FAM114A2: variants seen among roughly 807,000 people sequenced by gnomAD.
FAM114A2 encodes protein FAM114A2.
A neutral mutation model predicts 58.4 loss-of-function variants in FAM114A2; 53 were observed. The observed-to-expected ratio is 0.91, with a 90% CI of 0.73 to 1.14. The LOEUF is 1.14. Ranked by LOEUF, FAM114A2 falls within the 50% of genes most tolerant of loss-of-function variation. The probability of loss-of-function intolerance (pLI) is 0.00; values close to 1 mark genes in which losing one functional copy is unlikely to be tolerated. For missense variants in FAM114A2, 601 were observed against 581.1 expected (o/e 1.03, Z -0.35); for synonymous variants, 228 against 211.4 (o/e 1.08, Z -0.68).
intron 1 of FAM114A2, among the ~76,000 whole-genome samples, chr5:154,035,590 G>A (rs1037185024): frequency 3.9e-5 from 6 of 152,004 alleles, no homozygotes; most frequent in African/African-American, 9.7e-5. Flanking sequence ...TTTATCCATC[G>A]AAGGATATCT....
At chr5:154,025,078 A>T (rs1581820636) in intron 8 of FAM114A2, among the ~76,000 whole-genome samples, 1 of 152,258 alleles carries the variant, frequency 6.6e-6, no homozygotes, top group East Asian at 1.9e-4. Flanking sequence ...AGTCTCTGTG[A>T]CTGTTATCCT....
Position 153,992,961 on chromosome 5 carries a change from A to T in FAM114A2, c.*15T>A, listed in dbSNP as rs1328774528. Reference sequence around the variant, plus strand: ...CTTGGCCGTCACAAGTCCCAGGTCAAAACGTCTCCATTCTTCAATGTTCTA... The same window carrying T: ...CTTGGCCGTCACAAGTCCCAGGTCATAACGTCTCCATTCTTCAATGTTCTA... On this transcript the variant is annotated 3_prime_UTR_variant, in exon 14 of 14. Transcript: ENST00000351797. 1 of 1,607,372 alleles carries T rather than the reference A, an allele frequency of 6.2e-7. No homozygotes were observed. Among genetic ancestry groups the T allele is most frequent in the Non-Finnish European group, 8.5e-7 (1 of 1,176,130 alleles).
At chr5:154,035,059 C>A in intron 1 of FAM114A2, 92 bp from the exon 2 acceptor site, 2 of 722,006 alleles carry the variant, frequency 2.8e-6, no homozygotes, top group Non-Finnish European at 2.3e-6. Flanking sequence ...ATCATAGATT[C>A]ACATACAAGT....
rs757360037 is a variant in FAM114A2, at chr5:153,994,958, T to G, written c.1344A>C (p.Ala448=). The part of the protein sequence containing the change: ...CLTTAGVKEM[A]DVLNPLITAV... ...CAGTGATTAATGGGTTAAGGACATC[T>G]GCCATTTCTTTGACCTGGAATAACG... Residue 448 remains alanine, a synonymous_variant, in exon 13 of 14, where the codon GCA becomes GCC. Coordinates refer to ENST00000351797, the MANE Select transcript of FAM114A2 (RefSeq NM_018691.4). 2 of 1,609,386 alleles carry G rather than the reference T, an allele frequency of 1.2e-6. No homozygotes were observed. The highest frequency in any genetic ancestry group is 1.7e-5 in the Admixed American group (1 of 59,992).
chr5:153,999,796 T>C (rs1561541918), intron 11 of FAM114A2, among the ~76,000 whole-genome samples: 1 of 151,930 alleles, frequency 6.6e-6, no homozygotes, highest in Non-Finnish European at 1.5e-5. Context: ...CAAAGGAAAA[T>C]AAATAAATAA....
chr5:154,025,581 C>G (rs997622174), intron 8 of FAM114A2, among the ~76,000 whole-genome samples: 3 of 152,158 alleles, frequency 2.0e-5, no homozygotes, highest in Non-Finnish European at 4.4e-5. Context: ...TAACCTACTA[C>G]ATGGGTGATT....
intron 11 of FAM114A2, among the ~76,000 whole-genome samples, chr5:153,999,467 C>T (rs1463186728): frequency 6.6e-6 from 1 of 151,922 alleles, no homozygotes; most frequent in Non-Finnish European, 1.5e-5. Flanking sequence ...GAAACCCTGT[C>T]TCTACTAAAA....
chr5:154,000,434 T>C (rs1460794678), intron 11 of FAM114A2, among the ~76,000 whole-genome samples: 5 of 150,406 alleles, frequency 3.3e-5, no homozygotes. Context: ...CATTATACAT[T>C]CTATGCATAT....
intron 8 of FAM114A2, among the ~76,000 whole-genome samples, chr5:154,022,421 A>C (rs1249478028): frequency 6.6e-6 from 1 of 152,214 alleles, no homozygotes; most frequent in Non-Finnish European, 1.5e-5. Context: ...TTTACAAAGA[A>C]CTTAAACAAA....
In FAM114A2 at chr5:154,020,377, G is replaced by T. The variant is rs948102273; in HGVS notation, c.913+6022C>A. On this transcript the variant is annotated intron_variant, in intron 8 of 13. Transcript: ENST00000351797. ...AATCCAGGAGCTGATTTTTTGCAAA[G>T]ATCAACAAAATTGATACACCATTAG... Among the ~76,000 whole-genome samples, 11 of 152,204 alleles carry T rather than the reference G, an allele frequency of 7.2e-5. No individual in the cohort carries two copies. In the East Asian group the frequency reaches 1.9e-3, roughly 27 times the overall value.
At chr5:154,002,488 A>G in intron 10 of FAM114A2, 98 bp from the exon 11 acceptor site, 6 of 1,270,804 alleles carry the variant, frequency 4.7e-6, no homozygotes, top group Non-Finnish European at 6.7e-6. Context: ...AGCAGAGACT[A>G]ATAGTTGCCT....
chr5:154,020,984 G>A (rs573650597), intron 8 of FAM114A2, among the ~76,000 whole-genome samples: 24 of 152,154 alleles, frequency 1.6e-4, no homozygotes, highest in African/African-American at 5.1e-4. Flanking sequence ...ATGCAAAGCT[G>A]GTTCAACATA....
At chr5:154,026,908 A>G (rs1771819894) in intron 7 of FAM114A2, among the ~76,000 whole-genome samples, 1 of 151,598 alleles carries the variant, frequency 6.6e-6, no homozygotes, top group African/African-American at 2.4e-5. Flanking sequence ...GACCAAAACG[A>G]AGGAAAAATA....
At chr5:154,003,898 A>G (rs1770177558) in intron 9 of FAM114A2, among the ~76,000 whole-genome samples, 1 of 152,236 alleles carries the variant, frequency 6.6e-6, no homozygotes, top group Admixed American at 6.5e-5. Context: ...GTTTGGGTCA[A>G]CAGCAGACCA....
intron 9 of FAM114A2, 85 bp downstream of exon 9, chr5:154,011,156 T>G (rs1770670558): frequency 9.2e-7 from 1 of 1,085,338 alleles, no homozygotes; most frequent in African/African-American, 1.6e-5. Context: ...GTGACACCTC[T>G]GCCAGGAATT....
At chr5:154,013,161 T>A (rs1770810630) in intron 8 of FAM114A2, among the ~76,000 whole-genome samples, 2 of 152,308 alleles carry the variant, frequency 1.3e-5, no homozygotes, top group Admixed American at 1.3e-4. Context: ...ATCTACTGTT[T>A]AGAATTGAGT....
rs138989238 is a variant in FAM114A2 at position 154,006,326 on chromosome 5, T to C, written c.994-3357A>G. ...ATTAGCAAGCAAACAAACAAAAACA[T>C]ACATAAAGAAAATAAAATGGAGTAA... On this transcript the variant is annotated intron_variant, in intron 9 of 13. Transcript: ENST00000351797. Among the ~76,000 whole-genome samples the C allele has an allele frequency of 3.3e-3, 501 of 152,242 alleles. 4 individuals are homozygous for C. The highest frequency in any genetic ancestry group is 0.011 in the African/African-American group (476 of 41,542).
chr5:154,019,139 T>C (rs961266105), intron 8 of FAM114A2, among the ~76,000 whole-genome samples: 1 of 152,022 alleles, frequency 6.6e-6, no homozygotes, highest in African/African-American at 2.4e-5. Context: ...CTGATGATTG[T>C]TTACCTAGAA....
chr5:154,033,982 A>T, intron 3 of FAM114A2, 99 bp from the exon 4 acceptor site: 2 of 765,964 alleles, frequency 2.6e-6, no homozygotes, highest in South Asian at 3.2e-5. Context: ...GGACCACAAG[A>T]CATGTTATTT....
Sources: allele counts gnomAD v4.1 joint callset (sites outside exome capture counted in the v4.1 genomes callset), GRCh38; gene constraint gnomAD v4.1.1; transcripts MANE v1.5; gene names NCBI Gene and HGNC (gene_info 2026-07-23, HGNC 2026-07-21).